RBFOX1: variants seen among roughly 807,000 people sequenced by gnomAD.
RBFOX1 encodes RNA binding protein fox-1 homolog 1.
In RBFOX1, 8 loss-of-function variants were observed where a neutral mutation model predicts 57.7. The ratio of observed to expected loss-of-function variants is 0.14; its 90% CI spans 0.08 to 0.25. The LOEUF is 0.25. Among genes scored for constraint, RBFOX1 ranks in the 10% least tolerant of loss-of-function variants. The pLI is 1.00. For missense variants in RBFOX1, 611 were observed against 548.5 expected (o/e 1.11, Z -1.14); for synonymous variants, 326 against 222.4 (o/e 1.47, Z -4.15).
intron 13 of RBFOX1, among the ~76,000 whole-genome samples, chr16:7,675,410 A>AC (rs989459456): frequency 7.7e-6 from 1 of 130,286 alleles, no homozygotes; most frequent in Non-Finnish European, 1.5e-5. Flanking sequence ...AAGGGAAACA[A>AC]AAAAAAAAAA....
intron 3 of RBFOX1, chr16:6,723,997 G>A (rs560244789): frequency 2.0e-5 from 3 of 152,248 alleles, no homozygotes; most frequent in African/African-American, 7.2e-5. Context: ...AACCGTTTGG[G>A]AGAAGTGGAT....
At chr16:5,637,396 C>G (rs373133068) in intron 3 of RBFOX1, among the ~76,000 whole-genome samples, 1 of 152,188 alleles carries the variant, frequency 6.6e-6, no homozygotes, top group African/African-American at 2.4e-5. Context: ...CTGCTCAGCT[C>G]CTTCCCACAG....
intron 3 of RBFOX1, among the ~76,000 whole-genome samples, chr16:6,711,755 G>C (rs1471074380): frequency 6.6e-6 from 1 of 152,148 alleles, no homozygotes; most frequent in Non-Finnish European, 1.5e-5. Context: ...AGCCCATCCT[G>C]TCTCACCACT....
chr16:6,858,934 A>G (rs938539326), intron 3 of RBFOX1, among the ~76,000 whole-genome samples: 1 of 151,524 alleles, frequency 6.6e-6, no homozygotes, highest in Non-Finnish European at 1.5e-5. Flanking sequence ...CTAAAGGAAG[A>G]TATTATTTTC....
At chr16:7,490,394 G>T (rs2066615425) in intron 4 of RBFOX1, among the ~76,000 whole-genome samples, 1 of 152,166 alleles carries the variant, frequency 6.6e-6, no homozygotes, top group Admixed American at 6.5e-5. Context: ...ACTGGAGCTT[G>T]TAGCTACTCA....
chr16:5,477,706 C>G (rs1233266906), intron 2 of RBFOX1, among the ~76,000 whole-genome samples: 1 of 152,186 alleles, frequency 6.6e-6, no homozygotes, highest in East Asian at 1.9e-4. Flanking sequence ...TCTCTCTTCT[C>G]TCCTGATGGG....
At chr16:7,165,096 G>A (rs989804568) in intron 4 of RBFOX1, among the ~76,000 whole-genome samples, 2 of 152,130 alleles carry the variant, frequency 1.3e-5, no homozygotes, top group African/African-American at 4.8e-5. Flanking sequence ...GGTAGCCAAG[G>A]ATGCAATCCT....
chr16:5,317,587 C>G (rs1302277698), intron 1 of RBFOX1, among the ~76,000 whole-genome samples: 1 of 151,778 alleles, frequency 6.6e-6, no homozygotes, highest in Non-Finnish European at 1.5e-5. Context: ...CCAGCCTGGG[C>G]GAAAGACTGA....
At chr16:5,340,839 A>G (rs1212414331) in intron 1 of RBFOX1, among the ~76,000 whole-genome samples, 1 of 152,216 alleles carries the variant, frequency 6.6e-6, no homozygotes, top group Admixed American at 6.5e-5. Context: ...AACAAGCACA[A>G]CAGACAAGTC....
At chr16:5,903,162 A>G (rs1047681760) in intron 4 of RBFOX1, among the ~76,000 whole-genome samples, 10 of 151,984 alleles carry the variant, frequency 6.6e-5, no homozygotes, top group Admixed American at 4.6e-4. Context: ...CTGTATGGGA[A>G]ATATGTTCTG....
chr16:6,616,250 C>G (rs117647139), intron 2 of RBFOX1, among the ~76,000 whole-genome samples: 1 of 152,166 alleles, frequency 6.6e-6, no homozygotes, highest in Non-Finnish European at 1.5e-5. Flanking sequence ...TTCTCCTGTC[C>G]TTTAAAAATT....
Position 6,409,023 on chromosome 16 carries a change from C to T in RBFOX1, c.-64+91966C>T, listed in dbSNP as rs1038268978. ...TCATCAATGCATACTTAAAGCCTAA[C>T]ACATATTTGACATTTTATAAATATC... On this transcript the variant is annotated intron_variant, in intron 2 of 15. Transcript: ENST00000550418. Among the ~76,000 whole-genome samples the T allele has an allele frequency of 6.6e-5, 10 of 152,308 alleles. No individual in the cohort carries two copies. The South Asian group carries it at 1.9e-3, about 28-fold the overall frequency.
At chr16:7,006,004 C>G (rs368370632) in intron 3 of RBFOX1, among the ~76,000 whole-genome samples, 73 of 152,288 alleles carry the variant, frequency 4.8e-4, no homozygotes, top group African/African-American at 1.7e-3. Context: ...CTCTAAGAAG[C>G]TGGACAGCAT....
At chr16:5,509,431 C>A (rs1308536467) in intron 2 of RBFOX1, among the ~76,000 whole-genome samples, 2 of 152,186 alleles carry the variant, frequency 1.3e-5, no homozygotes, top group African/African-American at 4.8e-5. Flanking sequence ...ACAGGGGCCT[C>A]AGCCATTTCT....
At chr16:6,785,086 C>T (rs1204520098) in intron 3 of RBFOX1, among the ~76,000 whole-genome samples, 1 of 152,068 alleles carries the variant, frequency 6.6e-6, no homozygotes, top group African/African-American at 2.4e-5. Context: ...CTGGATGTGA[C>T]TTTAGAAAGT....
intron 3 of RBFOX1, among the ~76,000 whole-genome samples, chr16:5,778,360 G>T (rs2054214074): frequency 6.6e-6 from 1 of 152,250 alleles, no homozygotes; most frequent in South Asian, 2.1e-4. Context: ...CCCCCGACCT[G>T]GCTAGTTCTC....
At chr16:5,791,649 G>A (rs766841219) in intron 3 of RBFOX1, among the ~76,000 whole-genome samples, 1 of 152,158 alleles carries the variant, frequency 6.6e-6, no homozygotes, top group African/African-American at 2.4e-5. Context: ...GCAAGTATTA[G>A]AGCTGAATGC....
intron 3 of RBFOX1, among the ~76,000 whole-genome samples, chr16:5,796,507 A>G (rs1217951290): frequency 1.3e-5 from 2 of 152,118 alleles, no homozygotes; most frequent in South Asian, 2.1e-4. Context: ...CCAAGATGGG[A>G]TGGAATGAGC....
At chr16:7,173,573 G>T (rs1417764298) in intron 4 of RBFOX1, among the ~76,000 whole-genome samples, 1 of 151,954 alleles carries the variant, frequency 6.6e-6, no homozygotes, top group Non-Finnish European at 1.5e-5. Flanking sequence ...CTCAATTACA[G>T]TAGTGCATAC....
Sources: allele counts gnomAD v4.1 joint callset (sites outside exome capture counted in the v4.1 genomes callset), GRCh38; gene constraint gnomAD v4.1.1; transcripts MANE v1.5; gene names NCBI Gene and HGNC (gene_info 2026-07-23, HGNC 2026-07-21).